Variants in KCND2 observed in about 807,000 individuals in gnomAD.
KCND2 encodes potassium voltage-gated channel subfamily D member 2.
In KCND2, 16 loss-of-function variants were observed where a neutral mutation model predicts 54.4. The observed-to-expected ratio is 0.29, with a 90% CI of 0.20 to 0.45. The LOEUF is 0.45. Ranked by LOEUF, KCND2 falls within the 20% of genes least tolerant of loss-of-function variation. The pLI, the probability that KCND2 is intolerant of heterozygous loss-of-function variation, is 1.00. For synonymous variants in KCND2, 317 were observed against 310.7 expected, an observed-to-expected ratio of 1.02 and a Z score of -0.21; for missense variants, 486 against 824.2, an observed-to-expected ratio of 0.59 and a Z score of 5.02.
intron 1 of KCND2, among the ~76,000 whole-genome samples, chr7:120,525,388 C>G (rs1449979127): frequency 2.0e-5 from 3 of 152,132 alleles, no homozygotes; most frequent in Non-Finnish European, 4.4e-5. Context: ...GTTCTGAATT[C>G]TTACCTTATT....
chr7:120,535,730 A>ACCC (rs1416841091), intron 1 of KCND2, among the ~76,000 whole-genome samples: 4 of 152,148 alleles, frequency 2.6e-5, no homozygotes, highest in African/African-American at 9.7e-5. Context: ...ATTTTGACAA[A>ACCC]AGGGGCAACC....
intron 1 of KCND2, among the ~76,000 whole-genome samples, chr7:120,551,253 C>T (rs1414914247): frequency 6.6e-6 from 1 of 152,156 alleles, no homozygotes; most frequent in Non-Finnish European, 1.5e-5. Context: ...AAATAAAGTG[C>T]TATACAATTA....
intron 1 of KCND2, among the ~76,000 whole-genome samples, chr7:120,532,211 C>G (rs897990358): frequency 6.6e-6 from 1 of 151,778 alleles, no homozygotes; most frequent in Non-Finnish European, 1.5e-5. Flanking sequence ...AAAATAAAAT[C>G]CATGTTTTCA....
chr7:120,383,283 G>T (rs1800938579), intron 1 of KCND2, among the ~76,000 whole-genome samples: 1 of 151,570 alleles, frequency 6.6e-6, no homozygotes, highest in Non-Finnish European at 1.5e-5. Context: ...TCAGCCAATG[G>T]CATCTAGGCT....
At chr7:120,717,324 C>T (rs1158171029) in intron 1 of KCND2, among the ~76,000 whole-genome samples, 1 of 152,084 alleles carries the variant, frequency 6.6e-6, no homozygotes, top group Non-Finnish European at 1.5e-5. Flanking sequence ...AGTGTGGATA[C>T]GCAGGACAGA....
chr7:120,494,003 A>G (rs982896149), intron 1 of KCND2, among the ~76,000 whole-genome samples: 2 of 152,180 alleles, frequency 1.3e-5, no homozygotes, highest in Non-Finnish European at 2.9e-5. Context: ...TGGTAAAGTC[A>G]TAAATAAATG....
chr7:120,445,167 C>T (rs1802002253), intron 1 of KCND2, among the ~76,000 whole-genome samples: 1 of 151,978 alleles, frequency 6.6e-6, no homozygotes, highest in East Asian at 1.9e-4. Context: ...AATTTGAAGA[C>T]AAATGACAGT....
At chr7:120,635,029 G>A (rs1276992218) in intron 1 of KCND2, among the ~76,000 whole-genome samples, 1 of 152,166 alleles carries the variant, frequency 6.6e-6, no homozygotes, top group East Asian at 1.9e-4. Flanking sequence ...TCTACTAGTT[G>A]ACATCATTTT....
At chr7:120,595,173 G>A (rs1406430357) in intron 1 of KCND2, among the ~76,000 whole-genome samples, 1 of 151,910 alleles carries the variant, frequency 6.6e-6, no homozygotes. Context: ...TATGTAGGCC[G>A]GGTGTGGTGG....
At chr7:120,718,439 A>G (rs1317250436) in intron 1 of KCND2, among the ~76,000 whole-genome samples, 2 of 152,304 alleles carry the variant, frequency 1.3e-5, no homozygotes, top group East Asian at 1.9e-4. Flanking sequence ...GTTTCTTGAC[A>G]TGCAAAATTA....
At chr7:120,469,334 G>A (rs1004271935) in intron 1 of KCND2, among the ~76,000 whole-genome samples, 6 of 152,072 alleles carry the variant, frequency 3.9e-5, no homozygotes, top group African/African-American at 1.4e-4. Context: ...TCATCCACGA[G>A]TGGCATATTT....
At chr7:120,321,566 G>A (rs1308834037) in intron 1 of KCND2, among the ~76,000 whole-genome samples, 1 of 151,296 alleles carries the variant, frequency 6.6e-6, no homozygotes, top group East Asian at 1.9e-4. Flanking sequence ...TTTTTTTCTT[G>A]TTACTGAAAC....
chr7:120,741,094 G>A (rs919611727), intron 2 of KCND2, among the ~76,000 whole-genome samples: 2 of 151,594 alleles, frequency 1.3e-5, no homozygotes, highest in Non-Finnish European at 2.9e-5. Context: ...TCAGTTCTTG[G>A]TACTTAGTTA....
At chr7:120,384,998 C>CTTTTTTTTT (rs372225817) in intron 1 of KCND2, among the ~76,000 whole-genome samples, 26 of 82,528 alleles carry the variant, frequency 3.2e-4, no homozygotes, top group Non-Finnish European at 4.4e-4. Context: ...TTGTATATAA[C>CTTTTTTTTT]TTTTTTTTTT....
chr7:120,671,813 G>A (rs543732805), intron 1 of KCND2, among the ~76,000 whole-genome samples: 15 of 152,152 alleles, frequency 9.9e-5, no homozygotes, highest in Admixed American at 6.5e-4. Flanking sequence ...TCAAACCTGC[G>A]TCATTCTACA....
chr7:120,728,276 C>T (rs1164309704), intron 1 of KCND2, among the ~76,000 whole-genome samples: 7 of 148,884 alleles, frequency 4.7e-5, no homozygotes, highest in Non-Finnish European at 1.0e-4. Context: ...TTGTTTCGTT[C>T]TTCTTCTTTT....
intron 1 of KCND2, among the ~76,000 whole-genome samples, chr7:120,565,973 A>G (rs1002383014): frequency 1.3e-5 from 2 of 152,200 alleles, no homozygotes; most frequent in Non-Finnish European, 2.9e-5. Context: ...GCAAAACTTA[A>G]GAGACTTAAT....
chr7:120,447,411 A>G (rs1158046237), intron 1 of KCND2, among the ~76,000 whole-genome samples: 1 of 152,056 alleles, frequency 6.6e-6, no homozygotes, highest in African/African-American at 2.4e-5. Flanking sequence ...AAAGAAGCTC[A>G]GTTTTCCCCC....
intron 2 of KCND2, among the ~76,000 whole-genome samples, chr7:120,735,496 G>C (rs1349246601): frequency 6.6e-6 from 1 of 151,940 alleles, no homozygotes; most frequent in Non-Finnish European, 1.5e-5. Context: ...CTAAATTTCC[G>C]ATAAACCAAT....
Sources: allele counts gnomAD v4.1 joint callset (sites outside exome capture counted in the v4.1 genomes callset), GRCh38; gene constraint gnomAD v4.1.1; transcripts MANE v1.5; gene names NCBI Gene and HGNC (gene_info 2026-07-23, HGNC 2026-07-21).